Variants in TACC1 observed in about 807,000 individuals in gnomAD.
TACC1 encodes transforming acidic coiled-coil containing protein 1, also known as transforming acidic coiled-coil-containing protein 1.
Under a neutral mutation model 84.4 loss-of-function variants are expected in TACC1, and 48 were observed. The observed-to-expected ratio is 0.57, with a 90% confidence interval of 0.45 to 0.72. The LOEUF is 0.72. Ranked by LOEUF, TACC1 falls within the 30% of genes least tolerant of loss-of-function variation. TACC1 has a pLI of 0.00. For synonymous variants in TACC1, 372 were observed against 376.3 expected (o/e 0.99, Z 0.13); for missense variants, 920 against 973.0 (o/e 0.95, Z 0.72).
chr8:38,767,043 C>T (rs1480787002), intron 3 of TACC1, among the ~76,000 whole-genome samples: 4 of 145,098 alleles, frequency 2.8e-5, no homozygotes, highest in Non-Finnish European at 4.6e-5. Context: ...TGCATTTACA[C>T]AGAGCCGACA....
exon 3 of TACC1, chr8:38,745,409 A>T (rs1264330786): frequency 3.3e-5 from 21 of 643,434 alleles, no homozygotes; most frequent in Non-Finnish European, 2.8e-6. Context: ...GGACATATTT[A>T]AAAACCAGGA....
In TACC1 at chr8:38,832,714, T is replaced by G. The variant is rs566255685; in HGVS notation, c.1713+1537T>G. Among the ~76,000 whole-genome samples the G allele has an allele frequency of 7.9e-5, 12 of 152,348 alleles. No individual in the cohort carries two copies. In the East Asian group the frequency reaches 2.1e-3, roughly 27 times the overall value. The stretch of plus-strand genomic sequence containing the variant: ...AGCATTTTTCACGTAAGAAGTTAAC[T>G]TTTCTTTTTAAGTTTTAAATGTTTT... On this transcript the variant is annotated intron_variant, in intron 6 of 12. Coordinates refer to ENST00000317827, the MANE Select transcript of TACC1 (RefSeq NM_006283.3).
intron 2 of TACC1, among the ~76,000 whole-genome samples, chr8:38,790,184 C>T (rs1182046537): frequency 6.6e-6 from 1 of 152,144 alleles, no homozygotes; most frequent in Non-Finnish European, 1.5e-5. Flanking sequence ...AGCAGAACTC[C>T]AGTCTCTGTC....
chr8:38,729,290 C>T (rs1444414035), intron 1 of TACC1, among the ~76,000 whole-genome samples: 1 of 152,192 alleles, frequency 6.6e-6, no homozygotes, highest in African/African-American at 2.4e-5. Context: ...TGGTCAGGGC[C>T]CTTGAGCATC....
chr8:38,838,647 G>A lies in TACC1; in HGVS notation c.1916+101G>A, dbSNP rs534941808. Reference sequence around the variant, plus strand: ...GTGTTTGCTTGCCACAGAACCAAGTGTTGAGAGCTTGAGGGCTTTGCTGTT... The same window carrying A: ...GTGTTTGCTTGCCACAGAACCAAGTATTGAGAGCTTGAGGGCTTTGCTGTT... On this transcript the variant is annotated intron_variant, in intron 8 of 12. Coordinates refer to ENST00000317827, the MANE Select transcript of TACC1 (RefSeq NM_006283.3). 5.9e-4 allele frequency: 575 copies of A among 981,700 alleles called. 7 individuals are homozygous for A. The South Asian group carries it at 6.8e-3, about 12-fold the overall frequency. 60.8% of individuals were successfully genotyped at this position (981,700 alleles called of 1,614,324 possible).
chr8:38,734,486 C>G (rs551255099), intron 1 of TACC1, among the ~76,000 whole-genome samples: 2 of 152,114 alleles, frequency 1.3e-5, no homozygotes, highest in Admixed American at 1.3e-4. Flanking sequence ...ATGAGCCACA[C>G]GCCTGGCCAT....
At chr8:38,764,426 T>TAAAAAAAAAA (rs71216685) in intron 3 of TACC1, among the ~76,000 whole-genome samples, 1 of 100,984 alleles carries the variant, frequency 9.9e-6, no homozygotes, top group Non-Finnish European at 2.0e-5. Flanking sequence ...ATCAATTTGG[T>TAAAAAAAAAA]AAAAAAAAAA....
At chr8:38,836,433 C>T in intron 7 of TACC1, 146 bp downstream of exon 7, 1 of 1,095,772 alleles carries the variant, frequency 9.1e-7, no homozygotes, top group Non-Finnish European at 1.3e-6. Flanking sequence ...GTAAAAGGGC[C>T]CCCTGTGGCA....
chr8:38,829,998 C>A (rs557042429), intron 5 of TACC1, among the ~76,000 whole-genome samples: 1 of 152,096 alleles, frequency 6.6e-6, no homozygotes, highest in Non-Finnish European at 1.5e-5. Context: ...AAAGCTGCCA[C>A]GTTGGTAAAA....
At position 38,849,679 on chromosome 8, in the gene TACC1, C is replaced by G. The variant is rs1832839285; in HGVS notation, c.*1656C>G. ...AATAATGTCTTTTAAAGCCAGAAGT[C>G]ACATTTTACCAATATGCATTTATCA... On this transcript the variant is annotated 3_prime_UTR_variant, in exon 13 of 13. Coordinates refer to ENST00000317827, the MANE Select transcript of TACC1 (RefSeq NM_006283.3). 1 of 152,614 alleles carries G rather than the reference C, an allele frequency of 6.6e-6. No homozygotes were observed. Among genetic ancestry groups the G allele is most frequent in the Non-Finnish European group, 1.5e-5 (1 of 68,040 alleles). 9.5% of individuals were successfully genotyped at this position (152,614 alleles called of 1,614,324 possible). A position where few individuals can be genotyped will look rare whatever the true frequency, so the allele number is the denominator to read the frequency against.
intron 9 of TACC1, chr8:38,840,517 C>A: frequency 3.2e-6 from 1 of 316,008 alleles, no homozygotes; most frequent in Non-Finnish European, 5.9e-6. Context: ...AATCACCTCC[C>A]AAATTCCCTT....
intron 1 of TACC1, among the ~76,000 whole-genome samples, chr8:38,739,929 G>A (rs900802556): frequency 6.6e-6 from 1 of 152,188 alleles, no homozygotes; most frequent in African/African-American, 2.4e-5. Flanking sequence ...TACCCTGTTG[G>A]GCAGCAGTGG....
upstream of TACC1, chr8:38,785,791 A>G: frequency 2.4e-6 from 2 of 843,906 alleles, no homozygotes; most frequent in Non-Finnish European, 2.9e-6. Flanking sequence ...TATATTTCAC[A>G]TGGACCTCCT....
chr8:38,794,122 G>A (rs1447087291), intron 2 of TACC1, among the ~76,000 whole-genome samples: 5 of 152,100 alleles, frequency 3.3e-5, no homozygotes, highest in Non-Finnish European at 7.4e-5. Flanking sequence ...GGGAAGTGAT[G>A]TAATTGGTCT....
intron 3 of TACC1, among the ~76,000 whole-genome samples, chr8:38,771,174 G>A (rs1000857854): frequency 6.6e-6 from 1 of 152,156 alleles, no homozygotes; most frequent in African/African-American, 2.4e-5. Flanking sequence ...AAAGAGACGG[G>A]GAGAGAAGTG....
intron 3 of TACC1, among the ~76,000 whole-genome samples, chr8:38,751,669 G>A (rs1363844171): frequency 6.6e-6 from 1 of 151,696 alleles, no homozygotes; most frequent in Non-Finnish European, 1.5e-5. Context: ...ACATTTTTTG[G>A]ACATAATGCT....
intron 2 of TACC1, among the ~76,000 whole-genome samples, chr8:38,789,176 A>G (rs1818045940): frequency 2.0e-5 from 3 of 152,204 alleles, no homozygotes; most frequent in Admixed American, 2.0e-4. Flanking sequence ...GCTGGAGACA[A>G]AAATTACAGG....
At chr8:38,801,471 TA>T (rs1304048265) in intron 2 of TACC1, among the ~76,000 whole-genome samples, 1 of 152,256 alleles carries the variant, frequency 6.6e-6, no homozygotes, top group Non-Finnish European at 1.5e-5. Context: ...TCAAAAAGAC[TA>T]TTCTTTTCCC....
Position 38,751,097 on chromosome 8 carries a change from TAATTTCC to T in TACC1, c.26+5607_26+5613del, listed in dbSNP as rs1808950822. 2.0e-5 allele frequency among the ~76,000 whole-genome samples: 3 copies of T among 152,114 alleles called. No individual in the cohort carries two copies. In the South Asian group the frequency reaches 6.2e-4, roughly 31 times the overall value. ...TTTGATCTATAAATTGGCATTTAAATAATTTCCAAATGAGGAGAGATGGGTAGCTCTG... is the reference window on the plus strand; with the variant it reads ...TTTGATCTATAAATTGGCATTTAAATAAATGAGGAGAGATGGGTAGCTCTG... On this transcript the variant is annotated intron_variant, in intron 3 of 14. Coordinates refer to the TACC1 transcript ENST00000518415.
Sources: allele counts gnomAD v4.1 joint callset (sites outside exome capture counted in the v4.1 genomes callset), GRCh38; gene constraint gnomAD v4.1.1; transcripts MANE v1.5; gene names NCBI Gene and HGNC (gene_info 2026-07-23, HGNC 2026-07-21).